HDAC4: variants seen among roughly 807,000 people sequenced by gnomAD.
The protein encoded by HDAC4 is histone deacetylase A.
A neutral mutation model predicts 135.1 loss-of-function variants in HDAC4; 16 were observed. The ratio of observed to expected loss-of-function variants is 0.12; its 90% confidence interval spans 0.08 to 0.18. The LOEUF is 0.18. HDAC4 is among the 10% of genes least tolerant of loss of function. HDAC4 has a pLI of 1.00. For synonymous variants in HDAC4, 685 were observed against 653.4 expected (o/e 1.05, Z -0.74); for missense variants, 1,143 against 1,511.8 (o/e 0.76, Z 4.05).
intron 2 of HDAC4, among the ~76,000 whole-genome samples, chr2:239,312,387 G>T (rs2052924439): frequency 6.6e-6 from 1 of 152,200 alleles, no homozygotes; most frequent in Admixed American, 6.5e-5. Flanking sequence ...TGGTGGTGCT[G>T]CCAGCACCAC....
At chr2:239,149,123 C>T (rs545774696) in intron 7 of HDAC4, among the ~76,000 whole-genome samples, 88 of 152,152 alleles carry the variant, frequency 5.8e-4, no homozygotes, top group African/African-American at 2.1e-3. Flanking sequence ...TAATTCTGGC[C>T]GGGCATGGAG....
intron 24 of HDAC4, among the ~76,000 whole-genome samples, chr2:239,065,978 A>G (rs533658844): frequency 1.3e-5 from 2 of 152,172 alleles, no homozygotes; most frequent in African/African-American, 4.8e-5. Flanking sequence ...TGTGTCACAC[A>G]CTTCAGACAC....
At chr2:239,145,160 T>C (rs762145095) in intron 7 of HDAC4, among the ~76,000 whole-genome samples, 2 of 152,196 alleles carry the variant, frequency 1.3e-5, no homozygotes, top group Non-Finnish European at 2.9e-5. Context: ...AGAGAAAGAC[T>C]GACAGGGATG....
chr2:239,067,815 A>G (rs948921537), intron 23 of HDAC4, among the ~76,000 whole-genome samples: 28 of 152,000 alleles, frequency 1.8e-4, no homozygotes, highest in Non-Finnish European at 3.1e-4. Context: ...AGGGCCATAC[A>G]CTGTGGACGC....
At chr2:239,145,437 C>G (rs1198018203) in intron 7 of HDAC4, among the ~76,000 whole-genome samples, 1 of 152,192 alleles carries the variant, frequency 6.6e-6, no homozygotes, top group African/African-American at 2.4e-5. Flanking sequence ...GAATCTACAC[C>G]TTTCAGCCCA....
At chr2:239,163,585 A>T (rs1025677377) in intron 6 of HDAC4, among the ~76,000 whole-genome samples, 2 of 151,800 alleles carry the variant, frequency 1.3e-5, no homozygotes, top group Non-Finnish European at 2.9e-5. Context: ...AGACCATGTC[A>T]CTCTGGAGGT....
intron 17 of HDAC4, chr2:239,094,626 G>C: frequency 8.8e-7 from 1 of 1,138,960 alleles, no homozygotes; most frequent in Non-Finnish European, 1.1e-6. Flanking sequence ...CTGTAGCTTC[G>C]GGTGGAAACT....
Position 239,285,129 on chromosome 2 carries a change from A to C in HDAC4, c.23-48465T>G, listed in dbSNP as rs114565349. Among the ~76,000 whole-genome samples the C allele has an allele frequency of 0.023, 3,466 of 152,280 alleles. 56 individuals carry two copies. Among genetic ancestry groups the C allele is most frequent in the Non-Finnish European group, 0.033 (2,259 of 68,004 alleles). On this transcript the variant is annotated intron_variant, in intron 2 of 26. Coordinates refer to ENST00000543185, the MANE Select transcript of HDAC4 (RefSeq NM_001378414.1). The surrounding 1 kb of genome is among the most constrained non-coding windows in gnomAD (Gnocchi z 4.5). ...TACCTTCATGGCAACCTGGAAGGCC[A>C]GGTTCAAAGTTCAAAGTTCAAAGAC...
chr2:239,102,659 C>T (rs983772614), intron 16 of HDAC4, 117 bp downstream of exon 16: 40 of 1,205,818 alleles, frequency 3.3e-5, no homozygotes, highest in Non-Finnish European at 4.6e-5. Context: ...GGCCCTTTAC[C>T]TTATAACCTG....
intron 24 of HDAC4, among the ~76,000 whole-genome samples, chr2:239,056,734 T>C (rs1469970730): frequency 2.0e-5 from 3 of 152,136 alleles, no homozygotes; most frequent in Non-Finnish European, 4.4e-5. Context: ...TTCCAAATAA[T>C]ACATTTGGAA....
chr2:239,384,008 G>A (rs752412919), intron 1 of HDAC4, among the ~76,000 whole-genome samples: 2 of 152,196 alleles, frequency 1.3e-5, no homozygotes, highest in Non-Finnish European at 2.9e-5. Flanking sequence ...CGTGAGTAAC[G>A]AGGCGCAGTC....
At chr2:239,109,043 C>T (rs983114851) in intron 14 of HDAC4, among the ~76,000 whole-genome samples, 7 of 152,348 alleles carry the variant, frequency 4.6e-5, no homozygotes, top group African/African-American at 9.6e-5. Context: ...GCTAGAGATG[C>T]GAGGGAAGGC....
At chr2:239,232,072 T>G (rs1030776353) in intron 3 of HDAC4, among the ~76,000 whole-genome samples, 4 of 151,644 alleles carry the variant, frequency 2.6e-5, no homozygotes, top group Non-Finnish European at 4.4e-5. Flanking sequence ...GAAGCACCCC[T>G]CTCCTCAATC....
intron 2 of HDAC4, among the ~76,000 whole-genome samples, chr2:239,259,822 T>A (rs745843311): frequency 6.6e-6 from 1 of 152,212 alleles, no homozygotes; most frequent in African/African-American, 2.4e-5. Flanking sequence ...TGGTATGGCG[T>A]GAGCCCCAGT....
At chr2:239,205,621 G>C (rs995324923) in intron 3 of HDAC4, among the ~76,000 whole-genome samples, 1 of 152,042 alleles carries the variant, frequency 6.6e-6, no homozygotes, top group Non-Finnish European at 1.5e-5. Flanking sequence ...AGAACTGGGG[G>C]CTACGGAGAG....
At chr2:239,363,639 A>G (rs1185237860) in intron 1 of HDAC4, among the ~76,000 whole-genome samples, 1 of 152,230 alleles carries the variant, frequency 6.6e-6, no homozygotes, top group Non-Finnish European at 1.5e-5. Flanking sequence ...GCCTGGTCTA[A>G]AAGACAACAA....
At chr2:239,371,864 A>G (rs2126009639) in intron 1 of HDAC4, among the ~76,000 whole-genome samples, 1 of 152,368 alleles carries the variant, frequency 6.6e-6, no homozygotes, top group South Asian at 2.1e-4. Flanking sequence ...ATCGGAATCA[A>G]GTGATAGCAC....
rs1401138314 is a variant in HDAC4, at chr2:239,352,536, T to C, written c.22+142A>G. On this transcript the variant is annotated intron_variant, in intron 2 of 26. Coordinates refer to ENST00000543185, the MANE Select transcript of HDAC4 (RefSeq NM_001378414.1). This position sits in a 1 kb window ranked among gnomAD's most constrained non-coding sequence, Gnocchi z 4.4. ...AGAATAAACCATCCATTTTGCACTT[T>C]GTGCTGTCAAAAACCAACAGTGACC... is the stretch of plus-strand genomic sequence containing the variant. 1 of 765,268 alleles carries C rather than the reference T, an allele frequency of 1.3e-6. No homozygotes were observed. The highest frequency in any genetic ancestry group is 2.3e-6 in the Non-Finnish European group (1 of 439,984). The allele number at this position is 765,268 out of a possible 1,614,324, so 47.4% of individuals were successfully genotyped here. A position where few individuals can be genotyped will look rare whatever the true frequency, so the allele number is the denominator to read the frequency against.
chr2:239,310,171 C>T (rs951977998), intron 2 of HDAC4, among the ~76,000 whole-genome samples: 3 of 152,194 alleles, frequency 2.0e-5, no homozygotes, highest in Non-Finnish European at 4.4e-5. Context: ...ACCGTTCTGC[C>T]CAAGTGCAAG....
Sources: gnomAD v4.1 joint callset for allele counts (sites outside exome capture counted in the v4.1 genomes callset) on GRCh38, gnomAD v4.1.1 for gene constraint, Gnocchi (gnomAD v3.1) non-coding constraint, MANE v1.5 for transcripts, NCBI Gene and HGNC (gene_info 2026-07-23, HGNC 2026-07-21) for gene names.